AKAP6: variants seen among roughly 807,000 people sequenced by gnomAD.
AKAP6 encodes the protein A-kinase anchoring protein 6, also known as A-kinase anchor protein 6.
A neutral mutation model predicts 188.5 loss-of-function variants in AKAP6; 58 were observed. The observed-to-expected ratio is 0.31, with a 90% confidence interval of 0.25 to 0.38. The LOEUF (loss-of-function observed/expected upper bound fraction) is 0.38. Ranked by LOEUF, AKAP6 falls within the 10% of genes least tolerant of loss-of-function variation. The probability of loss-of-function intolerance (pLI) is 1.00; values close to 1 mark genes in which losing one functional copy is unlikely to be tolerated. For missense variants in AKAP6, 2,710 were observed against 2,740.0 expected, an observed-to-expected ratio of 0.99 and a Z score of 0.24; for synonymous variants, 989 against 998.6, an observed-to-expected ratio of 0.99 and a Z score of 0.18.
Position 32,824,485 on chromosome 14 carries a change from T to C in AKAP6, c.6672T>C (p.Val2224=). The change falls in exon 13 of 14, where the codon GTT becomes GTC. Residue 2224 remains valine, a synonymous_variant. Transcript: ENST00000280979. ...SSPSSQERAE[V]GKEVNGLPQT... is the part of the protein sequence containing the mutation. Reference sequence around the variant, plus strand: ...CTTCCTCTCAGGAAAGAGCTGAGGTTGGAAAGGAAGTGAATGGTTTGCCCC... The same window carrying C: ...CTTCCTCTCAGGAAAGAGCTGAGGTCGGAAAGGAAGTGAATGGTTTGCCCC... The C allele has an allele frequency of 6.2e-7, 1 of 1,613,926 alleles. No individual in the cohort carries two copies. Among genetic ancestry groups the C allele is most frequent in the South Asian group, 1.1e-5 (1 of 91,078 alleles).
chr14:32,735,629 A>AT (rs1249581270), intron 10 of AKAP6, 29 bp from the exon 11 acceptor site: 2 of 1,448,582 alleles, frequency 1.4e-6, no homozygotes, highest in Non-Finnish European at 1.9e-6. Context: ...TGTTTGTTTT[A>AT]TTTTTTGTTT....
At chr14:32,760,293 G>T (rs1032365838) in intron 11 of AKAP6, among the ~76,000 whole-genome samples, 1 of 152,132 alleles carries the variant, frequency 6.6e-6, no homozygotes, top group African/African-American at 2.4e-5. Flanking sequence ...TTTTTTAAAA[G>T]TCCATCTTAG....
At chr14:32,739,689 A>G (rs1246566590) in intron 11 of AKAP6, among the ~76,000 whole-genome samples, 2 of 152,122 alleles carry the variant, frequency 1.3e-5, no homozygotes, top group East Asian at 1.9e-4. Flanking sequence ...ATGTTGTTGT[A>G]AATGACACGA....
intron 1 of AKAP6, among the ~76,000 whole-genome samples, chr14:32,344,053 C>A (rs1886985117): frequency 6.6e-6 from 1 of 152,202 alleles, no homozygotes; most frequent in Non-Finnish European, 1.5e-5. Flanking sequence ...CTGTTGTATT[C>A]CCCAAGGAGC....
chr14:32,619,109 A>C (rs569215586), intron 7 of AKAP6, among the ~76,000 whole-genome samples: 1 of 151,284 alleles, frequency 6.6e-6, no homozygotes, highest in Admixed American at 6.6e-5. Context: ...GTTTGCAAGC[A>C]TTTTCTCCCA....
chr14:32,643,674 G>A (rs1303265124), intron 7 of AKAP6, among the ~76,000 whole-genome samples: 1 of 151,992 alleles, frequency 6.6e-6, no homozygotes, highest in Non-Finnish European at 1.5e-5. Flanking sequence ...TTATGAGCAT[G>A]TTTTCTTTGT....
At chr14:32,828,012 A>G (rs1244864094) in intron 13 of AKAP6, among the ~76,000 whole-genome samples, 2 of 152,038 alleles carry the variant, frequency 1.3e-5, no homozygotes, top group African/African-American at 4.8e-5. Context: ...GAGGAGCTGT[A>G]TTTACTTACA....
chr14:32,457,503 G>T (rs892910630), intron 2 of AKAP6, among the ~76,000 whole-genome samples: 1 of 152,096 alleles, frequency 6.6e-6, no homozygotes, highest in Admixed American at 6.5e-5. Context: ...CCAGTAATGT[G>T]CTAGGGGAGG....
chr14:32,643,766 A>C (rs1887865978), intron 7 of AKAP6, among the ~76,000 whole-genome samples: 1 of 152,176 alleles, frequency 6.6e-6, no homozygotes, highest in Non-Finnish European at 1.5e-5. Context: ...GAAGACATAA[A>C]GACAGAGACG....
At chr14:32,718,263 A>T (rs2139776940) in intron 9 of AKAP6, 3 of 985,296 alleles carry the variant, frequency 3.0e-6, no homozygotes, top group Non-Finnish European at 3.6e-6. Flanking sequence ...GAACAGCAAA[A>T]AAAAGAACAA....
intron 2 of AKAP6, among the ~76,000 whole-genome samples, chr14:32,436,705 G>C (rs903145803): frequency 3.9e-5 from 6 of 152,186 alleles, no homozygotes; most frequent in African/African-American, 1.4e-4. Context: ...GGGAGGCAGA[G>C]ATGGGCAGAT....
rs114015712 is a variant in AKAP6, at chr14:32,402,301, C to T, written c.-34-31159C>T. The stretch of plus-strand genomic sequence containing the variant: ...GCTGGGCTAAGGTGAACAAATTGTA[C>T]TGATGTGGCGTGAGGCACACTATCT... On this transcript the variant is annotated intron_variant, in intron 1 of 13. Transcript: ENST00000280979. 7.9e-3 allele frequency among the ~76,000 whole-genome samples: 1,209 copies of T among 152,282 alleles called. 20 individuals carry two copies. The highest frequency in any genetic ancestry group is 0.028 in the African/African-American group (1,149 of 41,550).
intron 2 of AKAP6, among the ~76,000 whole-genome samples, chr14:32,493,884 A>AG (rs759827094): frequency 1.1e-4 from 16 of 152,266 alleles, no homozygotes; most frequent in South Asian, 2.1e-4. Context: ...GGAGGTAAAG[A>AG]GAACATTAAG....
At chr14:32,760,769 G>A (rs1041835735) in intron 11 of AKAP6, among the ~76,000 whole-genome samples, 1 of 152,160 alleles carries the variant, frequency 6.6e-6, no homozygotes, top group Admixed American at 6.5e-5. Context: ...CTATAAGAGT[G>A]TTTGATGAAT....
chr14:32,379,883 T>C (rs1459687553), intron 1 of AKAP6, among the ~76,000 whole-genome samples: 4 of 152,236 alleles, frequency 2.6e-5, no homozygotes, highest in Admixed American at 6.5e-5. Context: ...TATCAAACCC[T>C]GTCACATCTG....
At chr14:32,488,345 A>C (rs1879813950) in intron 2 of AKAP6, among the ~76,000 whole-genome samples, 1 of 152,028 alleles carries the variant, frequency 6.6e-6, no homozygotes, top group African/African-American at 2.4e-5. Flanking sequence ...AAAACTGCCT[A>C]CTCAAGCCTC....
At position 32,535,491 on chromosome 14, in the gene AKAP6, C is replaced by A. The variant is rs1882630260; in HGVS notation, c.325-63C>A. ...TAGGTAAGAGTGTACTTTTCTACTACCCTCACCTCCCTCCAGGATAAGGCA... is the reference window on the plus strand; with the variant it reads ...TAGGTAAGAGTGTACTTTTCTACTAACCTCACCTCCCTCCAGGATAAGGCA... On this transcript the variant is annotated intron_variant, in intron 2 of 13. Transcript: ENST00000280979. 5 of 1,549,282 alleles carry A rather than the reference C, an allele frequency of 3.2e-6. No homozygotes were observed. In the South Asian group the frequency reaches 6.2e-5, roughly 19 times the overall value.
chr14:32,435,932 G>T (rs1047390501), intron 2 of AKAP6, among the ~76,000 whole-genome samples: 1 of 152,120 alleles, frequency 6.6e-6, no homozygotes, highest in Non-Finnish European at 1.5e-5. Flanking sequence ...CACCAAATAA[G>T]CACTGTCATG....
Position 32,823,480 on chromosome 14 carries a change from A to C in AKAP6, c.5667A>C (p.Pro1889=). The C allele has an allele frequency of 1.9e-6, 3 of 1,613,768 alleles. No homozygotes were observed. The highest frequency in any genetic ancestry group is 2.5e-6 in the Non-Finnish European group (3 of 1,179,888). The change falls in exon 13 of 14, where the codon CCA becomes CCC. Residue 1889 remains proline, a synonymous_variant. Coordinates refer to ENST00000280979, the MANE Select transcript of AKAP6 (RefSeq NM_004274.5). The part of the protein sequence containing the change: ...KKTIFKVNKD[P]YVADMENGNI... ...CTATTTTCAAAGTTAATAAAGATCC[A>C]TATGTGGCTGACATGGAAAATGGCA...
Sources: allele counts gnomAD v4.1 joint callset (sites outside exome capture counted in the v4.1 genomes callset), GRCh38; gene constraint gnomAD v4.1.1; transcripts MANE v1.5; gene names NCBI Gene and HGNC (gene_info 2026-07-23, HGNC 2026-07-21).